Variants in MIS18A observed in about 807,000 individuals in gnomAD.
MIS18A encodes the protein protein Mis18-alpha.
In MIS18A, 14 loss-of-function variants were observed where a neutral mutation model predicts 25.0. The observed-to-expected ratio is 0.56, with a 90% CI of 0.37 to 0.88. The LOEUF (loss-of-function observed/expected upper bound fraction) is 0.88, where lower values mean the gene tolerates loss of function less well. MIS18A is among the 40% of genes least tolerant of loss of function. The pLI is 0.00. For synonymous variants in MIS18A, 134 were observed against 118.6 expected (o/e 1.13, Z -0.84); for missense variants, 292 against 290.8 (o/e 1.00, Z -0.03).
chr21:32,236,468 A>C, the MIS18A span, among the ~76,000 whole-genome samples: 1 of 52 alleles, frequency 0.019, no homozygotes, highest in Non-Finnish European at 0.028. Flanking sequence ...CACTGGTCAA[A>C]AAAATAAATT....
the MIS18A span, among the ~76,000 whole-genome samples, chr21:32,181,132 GAACA>G: frequency 6.6e-6 from 1 of 152,072 alleles, no homozygotes; most frequent in Non-Finnish European, 1.5e-5. Context: ...GGCCTGAGTA[GAACA>G]AAAAAGCAGA....
the MIS18A span, among the ~76,000 whole-genome samples, chr21:32,247,816 C>T: frequency 6.6e-6 from 1 of 152,312 alleles, no homozygotes; most frequent in Non-Finnish European, 1.5e-5. Context: ...ACGGCTGTGT[C>T]TAAACAAAGC....
chr21:32,272,482 G>A (rs1343381735), intron 2 of MIS18A, among the ~76,000 whole-genome samples: 2 of 152,190 alleles, frequency 1.3e-5, no homozygotes, highest in Admixed American at 6.5e-5. Context: ...CAAAGAGAGT[G>A]AATTCTCTAT....
At chr21:32,244,777 C>T in the MIS18A span, among the ~76,000 whole-genome samples, 1 of 152,064 alleles carries the variant, frequency 6.6e-6, no homozygotes, top group Non-Finnish European at 1.5e-5. Flanking sequence ...AAAATCCATA[C>T]ATTAAGCCAA....
chr21:32,248,744 TC>T, the MIS18A span, among the ~76,000 whole-genome samples: 1 of 152,210 alleles, frequency 6.6e-6, no homozygotes, highest in African/African-American at 2.4e-5. Context: ...TCCCATCTGT[TC>T]CATGTTTATT....
intron 3 of MIS18A, 126 bp downstream of exon 3, chr21:32,270,281 T>A: frequency 2.7e-6 from 3 of 1,120,626 alleles, no homozygotes; most frequent in Non-Finnish European, 3.6e-6. Flanking sequence ...AAAAAATTAC[T>A]GGCTTGTTAG....
the MIS18A span, among the ~76,000 whole-genome samples, chr21:32,249,355 T>C: frequency 6.6e-6 from 1 of 152,136 alleles, no homozygotes; most frequent in Non-Finnish European, 1.5e-5. Context: ...TTCCACCCTC[T>C]AACAGGCTGC....
the MIS18A span, among the ~76,000 whole-genome samples, chr21:32,237,793 A>G: frequency 5.9e-4 from 90 of 152,152 alleles, no homozygotes; most frequent in Non-Finnish European, 1.2e-3. Flanking sequence ...TTAACATACT[A>G]TTAGATGGAC....
chr21:32,232,757 G>A, the MIS18A span, among the ~76,000 whole-genome samples: 5 of 151,936 alleles, frequency 3.3e-5, no homozygotes. Context: ...GGAAGGAGAG[G>A]GAAGAAATGA....
chr21:32,240,545 C>T, the MIS18A span, among the ~76,000 whole-genome samples: 1 of 152,178 alleles, frequency 6.6e-6, no homozygotes, highest in African/African-American at 2.4e-5. Flanking sequence ...AAACTAAGAC[C>T]GTGACCCTGG....
intron 1 of MIS18A, among the ~76,000 whole-genome samples, chr21:32,275,937 T>C (rs2031799874): frequency 6.6e-6 from 1 of 152,012 alleles, no homozygotes; most frequent in Non-Finnish European, 1.5e-5. Flanking sequence ...CCTTCAATGC[T>C]TTCTCCAAAG....
At chr21:32,244,359 A>G in the MIS18A span, among the ~76,000 whole-genome samples, 2 of 152,056 alleles carry the variant, frequency 1.3e-5, no homozygotes, top group Non-Finnish European at 2.9e-5. Context: ...GAGGGTGTAT[A>G]TGTGTCAAAC....
the MIS18A span, among the ~76,000 whole-genome samples, chr21:32,167,523 A>G: frequency 6.6e-6 from 1 of 152,236 alleles, no homozygotes; most frequent in Non-Finnish European, 1.5e-5. Context: ...AAACATAGCA[A>G]AAATGAAGAT....
the MIS18A span, among the ~76,000 whole-genome samples, chr21:32,159,763 A>G: frequency 6.6e-6 from 1 of 152,192 alleles, no homozygotes; most frequent in Non-Finnish European, 1.5e-5. Flanking sequence ...TCCAGGCTAT[A>G]GGGAAATTTA....
chr21:32,228,998 T>C, the MIS18A span, among the ~76,000 whole-genome samples: 1 of 152,216 alleles, frequency 6.6e-6, no homozygotes, highest in Non-Finnish European at 1.5e-5. Flanking sequence ...TTCTTTTATT[T>C]CAGCACAAGC....
the MIS18A span, among the ~76,000 whole-genome samples, chr21:32,181,799 G>T: frequency 6.6e-6 from 1 of 152,128 alleles, no homozygotes; most frequent in Non-Finnish European, 1.5e-5. Context: ...ACATGTGTTT[G>T]CCCATCATTC....
chr21:32,174,127 G>C, the MIS18A span, among the ~76,000 whole-genome samples: 1 of 151,896 alleles, frequency 6.6e-6, no homozygotes, highest in Non-Finnish European at 1.5e-5. Context: ...ACCATGCCCA[G>C]TTAATTTTTG....
the MIS18A span, among the ~76,000 whole-genome samples, chr21:32,197,282 A>T: frequency 2.4e-5 from 3 of 126,186 alleles, no homozygotes; most frequent in Non-Finnish European, 5.2e-5. Flanking sequence ...TCCTTATGTC[A>T]TGCTATCACA....
chr21:32,231,725 A>G, the MIS18A span, among the ~76,000 whole-genome samples: 2 of 152,150 alleles, frequency 1.3e-5, no homozygotes, highest in Non-Finnish European at 2.9e-5. Flanking sequence ...CATCCTGATA[A>G]ACACGGTGAA....
Sources: allele counts gnomAD v4.1 joint callset (sites outside exome capture counted in the v4.1 genomes callset), GRCh38; gene constraint gnomAD v4.1.1; transcripts MANE v1.5; gene names NCBI Gene and HGNC (gene_info 2026-07-23, HGNC 2026-07-21).